The following EIPR1 variants were observed in gnomAD, a reference collection of about 807,000 sequenced individuals.
The protein encoded by EIPR1 is EARP complex and GARP complex interacting protein 1.
EIPR1 carries 25 observed loss-of-function variants against 48.1 expected under a neutral mutation model. The observed-to-expected ratio is 0.52, with a 90% CI of 0.38 to 0.73. The LOEUF (loss-of-function observed/expected upper bound fraction) is 0.73, where lower values mean the gene tolerates loss of function less well. Among genes scored for constraint, EIPR1 ranks in the 30% least tolerant of loss-of-function variants. The pLI is 0.00. For missense variants in EIPR1, 415 were observed against 506.2 expected (o/e 0.82, Z 1.73); for synonymous variants, 204 against 201.9 (o/e 1.01, Z -0.09).
chr2:3,210,083 C>T (rs1425048325), intron 5 of EIPR1, among the ~76,000 whole-genome samples: 2 of 151,964 alleles, frequency 1.3e-5, no homozygotes, highest in Non-Finnish European at 2.9e-5. Flanking sequence ...AGGTCCCACG[C>T]CAGCAGGGGA....
intron 3 of EIPR1, among the ~76,000 whole-genome samples, chr2:3,295,732 A>T (rs1199881304): frequency 7.7e-5 from 6 of 77,622 alleles, no homozygotes; most frequent in Non-Finnish European, 7.4e-5. Context: ...TCCTCTCTAC[A>T]TACACACACC....
intron 4 of EIPR1, among the ~76,000 whole-genome samples, chr2:3,252,516 G>T (rs995457071): frequency 6.6e-6 from 1 of 152,142 alleles, no homozygotes; most frequent in Non-Finnish European, 1.5e-5. Context: ...GCTTGAACCC[G>T]GGAGACAGAG....
chr2:3,257,666 C>T, intron 3 of EIPR1: 1 of 431,776 alleles, frequency 2.3e-6, no homozygotes, highest in Non-Finnish European at 4.1e-6. Context: ...CATCCTGTTC[C>T]CCACTTTCTC....
At chr2:3,205,996 T>C (rs1665221922) in intron 5 of EIPR1, among the ~76,000 whole-genome samples, 1 of 152,318 alleles carries the variant, frequency 6.6e-6, no homozygotes, top group African/African-American at 2.4e-5. Flanking sequence ...CTGAGTGGTC[T>C]TTATGTGGGG....
intron 8 of EIPR1, among the ~76,000 whole-genome samples, chr2:3,191,905 T>C (rs1664617799): frequency 6.6e-6 from 1 of 152,188 alleles, no homozygotes; most frequent in Non-Finnish European, 1.5e-5. Flanking sequence ...GTAGAGTATC[T>C]AGAAGTGAAG....
intron 4 of EIPR1, among the ~76,000 whole-genome samples, chr2:3,237,651 G>A (rs4854149): frequency 0.91 from 139,167 of 152,164 alleles, 64,121 homozygotes; most frequent in East Asian, 0.98. Flanking sequence ...GCACAGAACG[G>A]CATGGCAATT....
chr2:3,196,829 G>C, intron 6 of EIPR1, 52 bp downstream of exon 6: 1 of 1,600,704 alleles, frequency 6.2e-7, no homozygotes, highest in Non-Finnish European at 8.5e-7. Context: ...TCCCGGTTCT[G>C]CTCGGTGAGG....
rs113489923 is a variant in EIPR1, at chr2:3,376,865, C to T, written c.42+783G>A. ...CTACTTGAATAGATGAAAACCAGGA[C>T]AGGGCTCTAACAGGCCCTACACAAT... On this transcript the variant is annotated intron_variant, in intron 1 of 8. Transcript: ENST00000382125. Among the ~76,000 whole-genome samples, 49 of 152,176 alleles carry T rather than the reference C, an allele frequency of 3.2e-4. 1 individual carries two copies. Among genetic ancestry groups the T allele is most frequent in the Admixed American group, 2.6e-4 (4 of 15,270 alleles).
chr2:3,274,490 T>C (rs1667790270), intron 3 of EIPR1: 1 of 1,519,782 alleles, frequency 6.6e-7, no homozygotes, highest in Non-Finnish European at 8.8e-7. Flanking sequence ...TTAAGGTAAA[T>C]CAAGCCATGA....
At chr2:3,311,880 C>T (rs1411892402) in intron 3 of EIPR1, among the ~76,000 whole-genome samples, 1 of 152,218 alleles carries the variant, frequency 6.6e-6, no homozygotes, top group East Asian at 1.9e-4. Flanking sequence ...AAGCTCCAGT[C>T]TTGGGGCACT....
chr2:3,318,772 C>A, intron 3 of EIPR1: 1 of 454,230 alleles, frequency 2.2e-6, no homozygotes, highest in Admixed American at 2.4e-5. Flanking sequence ...CAAAATACAT[C>A]TGGTGACGTG....
At chr2:3,307,371 C>A (rs192540568) in intron 3 of EIPR1, among the ~76,000 whole-genome samples, 1 of 152,336 alleles carries the variant, frequency 6.6e-6, no homozygotes, top group Non-Finnish European at 1.5e-5. Flanking sequence ...TGTCTCCCGG[C>A]CCCAAGCCAG....
chr2:3,333,749 CAAAAAAAAAA>C (rs769152280), intron 3 of EIPR1, among the ~76,000 whole-genome samples: 2 of 72,410 alleles, frequency 2.8e-5, no homozygotes, highest in East Asian at 4.1e-4. Flanking sequence ...ACCCTACCTC[CAAAAAAAAAA>C]AAAAAAAAAA....
intron 3 of EIPR1, among the ~76,000 whole-genome samples, chr2:3,330,376 G>T (rs1303421003): frequency 1.3e-5 from 2 of 152,206 alleles, no homozygotes; most frequent in Non-Finnish European, 2.9e-5. Flanking sequence ...CACAAAAGGG[G>T]ACACAATGGA....
At chr2:3,295,421 CA>C (rs1383312998) in intron 3 of EIPR1, among the ~76,000 whole-genome samples, 3 of 136,758 alleles carry the variant, frequency 2.2e-5, no homozygotes, top group Non-Finnish European at 1.6e-5. Flanking sequence ...CCATCCAGCC[CA>C]TCCTCTCTGC....
At chr2:3,314,711 G>C (rs771528274) in intron 3 of EIPR1, among the ~76,000 whole-genome samples, 3 of 151,780 alleles carry the variant, frequency 2.0e-5, no homozygotes, top group Non-Finnish European at 4.4e-5. Context: ...GACTCCTCTG[G>C]TTCTAGGCTC....
chr2:3,240,311 C>G (rs1424490473), intron 4 of EIPR1, among the ~76,000 whole-genome samples: 18 of 128,496 alleles, frequency 1.4e-4, no homozygotes, highest in African/African-American at 5.1e-4. Context: ...GCGAGCAGGT[C>G]CCTCCTAAAG....
intron 3 of EIPR1, among the ~76,000 whole-genome samples, chr2:3,297,590 A>G (rs4420733): frequency 0.23 from 34,611 of 152,222 alleles, 3,993 homozygotes; most frequent in Non-Finnish European, 0.25. Flanking sequence ...AAGGGACGGC[A>G]AACTTTTTCT....
At chr2:3,348,051 A>T (rs919543105) in intron 2 of EIPR1, among the ~76,000 whole-genome samples, 1 of 152,206 alleles carries the variant, frequency 6.6e-6, no homozygotes, top group Non-Finnish European at 1.5e-5. Context: ...AGCACAGGTG[A>T]GAACAGGACT....
Sources: gnomAD v4.1 joint callset for allele counts (sites outside exome capture counted in the v4.1 genomes callset) on GRCh38, gnomAD v4.1.1 for gene constraint, MANE v1.5 for transcripts, NCBI Gene and HGNC (gene_info 2026-07-23, HGNC 2026-07-21) for gene names.